UBOX5: variants seen among roughly 807,000 people sequenced by gnomAD.
UBOX5 encodes RING finger protein 37.
A neutral mutation model predicts 39.0 loss-of-function variants in UBOX5; 28 were observed. The observed-to-expected ratio is 0.72, with a 90% confidence interval of 0.53 to 0.98. UBOX5 has a LOEUF of 0.98. UBOX5 is among the 50% of genes least tolerant of loss of function. The pLI is 0.00. For missense variants in UBOX5, 585 were observed against 674.4 expected (o/e 0.87, Z 1.47); for synonymous variants, 283 against 275.5 (o/e 1.03, Z -0.27).
At chr20:3,119,992 G>A (rs776788202) in intron 3 of UBOX5, among the ~76,000 whole-genome samples, 12 of 152,082 alleles carry the variant, frequency 7.9e-5, no homozygotes, top group Middle Eastern at 3.4e-3. Context: ...CAGCATCACC[G>A]GCCCTAGAAA....
chr20:3,124,782 G>T (rs1331548203), intron 1 of UBOX5, among the ~76,000 whole-genome samples: 1 of 149,218 alleles, frequency 6.7e-6, no homozygotes, highest in African/African-American at 2.5e-5. Flanking sequence ...CACCCCGTCT[G>T]GGATGTGAGG....
Position 3,110,195 on chromosome 20 carries a change from G to A in UBOX5, c.1537C>T (p.Leu513=), listed in dbSNP as rs1370747019. 1 of 1,613,984 alleles carries A rather than the reference G, an allele frequency of 6.2e-7. No individual in the cohort carries two copies. Among genetic ancestry groups the A allele is most frequent in the South Asian group, 1.1e-5 (1 of 91,082 alleles). ...PCGHLLCRPC[L]GEKQRSLPMT... is the part of the protein sequence containing the mutation. The stretch of plus-strand genomic sequence containing the variant: ...GGCAGGGAGCGTTGCTTCTCACCCA[G>A]GCAGGGTCGGCACAGGAGGTGGCCG... Residue 513 remains leucine, a synonymous_variant, in exon 5 of 5, where the codon CTG becomes TTG. Transcript: ENST00000217173.
Position 3,121,925 on chromosome 20 carries a change from G to A in UBOX5, c.714C>T (p.Asp238=), listed in dbSNP as rs749278665. 21 of 1,613,856 alleles carry A rather than the reference G, an allele frequency of 1.3e-5. No individual in the cohort carries two copies. Among genetic ancestry groups the A allele is most frequent in the Non-Finnish European group, 1.8e-5 (21 of 1,180,038 alleles). ...AGGGAGCCTGCTGGCTCTCAGGCTGGTCCCCAGGGTCACAGTCACTTTCCA... is the reference window on the plus strand; with the variant it reads ...AGGGAGCCTGCTGGCTCTCAGGCTGATCCCCAGGGTCACAGTCACTTTCCA... ...LPMESDCDPG[D]QPESQQAPSS... The change falls in exon 3 of 5, where the codon GAC becomes GAT. Residue 238 remains aspartate (D), a synonymous_variant. Coordinates refer to ENST00000217173, the MANE Select transcript of UBOX5 (RefSeq NM_014948.4).
At chr20:3,124,001 A>T (rs2066358058) in intron 1 of UBOX5, among the ~76,000 whole-genome samples, 2 of 152,036 alleles carry the variant, frequency 1.3e-5, no homozygotes, top group African/African-American at 4.8e-5. Flanking sequence ...CAGCCTGGGA[A>T]ACATAGCTGG....
At chr20:3,145,362 G>A (rs1051412209) in intron 1 of UBOX5, among the ~76,000 whole-genome samples, 1 of 151,744 alleles carries the variant, frequency 6.6e-6, no homozygotes, top group African/African-American at 2.4e-5. Context: ...CATGTTGCTG[G>A]TCTGGAACTC....
intron 3 of UBOX5, among the ~76,000 whole-genome samples, chr20:3,120,421 G>A (rs2066325756): frequency 6.7e-6 from 1 of 149,620 alleles, no homozygotes; most frequent in South Asian, 2.1e-4. Context: ...GGCCAAGGTG[G>A]GTGGATCACA....
chr20:3,110,489 C>T (rs1401851388), intron 4 of UBOX5, 175 bp from the exon 5 acceptor site: 7 of 673,582 alleles, frequency 1.0e-5, no homozygotes. Context: ...AGCCTGGGAA[C>T]CCGGGAGGCC....
chr20:3,130,073 T>A (rs951457437), intron 1 of UBOX5, among the ~76,000 whole-genome samples: 1 of 151,858 alleles, frequency 6.6e-6, no homozygotes, highest in Non-Finnish European at 1.5e-5. Flanking sequence ...CTACAAAAAA[T>A]TTTAAAAATA....
At chr20:3,148,318 CCAGAGAT>C in intron 1 of UBOX5, 1 of 1,613,958 alleles carries the variant, frequency 6.2e-7, no homozygotes. Flanking sequence ...CTAAGTACCT[CCAGAGAT>C]CAGCCACCAA....
chr20:3,120,959 G>A (rs1482110820), intron 3 of UBOX5, among the ~76,000 whole-genome samples: 1 of 152,152 alleles, frequency 6.6e-6, no homozygotes. Context: ...TGTCACATGA[G>A]TAACACAAAG....
chr20:3,139,905 T>C (rs1343303222), intron 1 of UBOX5, among the ~76,000 whole-genome samples: 2 of 152,080 alleles, frequency 1.3e-5, no homozygotes, highest in Admixed American at 6.6e-5. Context: ...AGATGGGGTT[T>C]CACCATGTTG....
intron 1 of UBOX5, chr20:3,147,635 A>G: frequency 6.2e-7 from 1 of 1,614,254 alleles, no homozygotes; most frequent in Non-Finnish European, 8.5e-7. Context: ...CAAAAATGCC[A>G]GGCCCAGCAG....
rs1055853886 is a variant in UBOX5 at position 3,148,078 on chromosome 20, A to G, written c.-42+11688T>C. ...TTTTCCGCATGACAAATTCAGAGAG[A>G]TTAGTACTTGATTTAAAGAACCCCA... is the stretch of plus-strand genomic sequence containing the variant. On this transcript the variant is annotated intron_variant, in intron 1 of 4. Coordinates refer to ENST00000217173, the MANE Select transcript of UBOX5 (RefSeq NM_014948.4). The G allele has an allele frequency of 4.3e-6, 7 of 1,614,046 alleles. No homozygotes were observed. The African/African-American group carries it at 5.3e-5, about 12-fold the overall frequency.
chr20:3,124,715 G>A (rs549856668), intron 1 of UBOX5, among the ~76,000 whole-genome samples: 1 of 148,450 alleles, frequency 6.7e-6, no homozygotes, highest in South Asian at 2.1e-4. Flanking sequence ...GGGATGTGAG[G>A]AGCGTCTCTG....
intron 1 of UBOX5, among the ~76,000 whole-genome samples, chr20:3,133,758 G>GC (rs897844327): frequency 8.1e-4 from 96 of 119,010 alleles, no homozygotes; most frequent in Non-Finnish European, 8.1e-4. Context: ...ATTTTTTTTG[G>GC]GGGGGGGAAA....
chr20:3,128,898 C>T (rs2066409669), intron 1 of UBOX5, among the ~76,000 whole-genome samples: 1 of 152,140 alleles, frequency 6.6e-6, no homozygotes, highest in Non-Finnish European at 1.5e-5. Flanking sequence ...TTCTTCTAGA[C>T]TTAAATGTGG....
chr20:3,142,303 A>C (rs2066523577), intron 1 of UBOX5, among the ~76,000 whole-genome samples: 1 of 152,050 alleles, frequency 6.6e-6, no homozygotes, highest in Non-Finnish European at 1.5e-5. Flanking sequence ...CTCTACTAAA[A>C]ATACAAAAAA....
At chr20:3,119,373 C>A (rs2030288480) in intron 3 of UBOX5, among the ~76,000 whole-genome samples, 1 of 152,230 alleles carries the variant, frequency 6.6e-6, no homozygotes, top group Admixed American at 6.5e-5. Flanking sequence ...GAGATGACCA[C>A]AGCCTCAGCC....
At chr20:3,152,042 T>C (rs905913353) in intron 1 of UBOX5, 3 of 143,250 alleles carry the variant, frequency 2.1e-5, no homozygotes, top group African/African-American at 8.1e-5. Flanking sequence ...GAGGCGGAGG[T>C]TGCAGTGAGC....
Sources: allele counts gnomAD v4.1 joint callset (sites outside exome capture counted in the v4.1 genomes callset), GRCh38; gene constraint gnomAD v4.1.1; transcripts MANE v1.5; gene names NCBI Gene and HGNC (gene_info 2026-07-23, HGNC 2026-07-21).